ZDHHC21: variants seen among roughly 807,000 people sequenced by gnomAD.
ZDHHC21 encodes palmitoyltransferase ZDHHC21.
Under a neutral mutation model 34.6 loss-of-function variants are expected in ZDHHC21, and 15 were observed. The observed-to-expected ratio is 0.43, with a 90% confidence interval of 0.29 to 0.67. The LOEUF (loss-of-function observed/expected upper bound fraction) is 0.67. ZDHHC21 is among the 30% of genes least tolerant of loss of function. ZDHHC21 has a pLI of 0.14. For missense variants in ZDHHC21, 344 were observed against 327.7 expected, an observed-to-expected ratio of 1.05 and a Z score of -0.38; for synonymous variants, 142 against 101.8, an observed-to-expected ratio of 1.40 and a Z score of -2.38.
intron 9 of ZDHHC21, among the ~76,000 whole-genome samples, chr9:14,619,426 G>C (rs778185335): frequency 3.3e-5 from 5 of 152,014 alleles, no homozygotes; most frequent in Non-Finnish European, 7.4e-5. Flanking sequence ...AGTTAGACAA[G>C]GCACAAGAAT....
At chr9:14,669,492 C>T (rs1008907146) in intron 5 of ZDHHC21, among the ~76,000 whole-genome samples, 1 of 151,188 alleles carries the variant, frequency 6.6e-6, no homozygotes, top group Non-Finnish European at 1.5e-5. Context: ...ACCCAGCCAT[C>T]CCATTACTGG....
At chr9:14,648,597 C>T (rs1260236149) in intron 7 of ZDHHC21, among the ~76,000 whole-genome samples, 1 of 152,082 alleles carries the variant, frequency 6.6e-6, no homozygotes, top group Non-Finnish European at 1.5e-5. Context: ...ACTATATCCA[C>T]CCCTGTACCC....
chr9:14,693,101 G>A (rs562310765), intron 1 of ZDHHC21, 128 bp downstream of exon 1: 1 of 213,072 alleles, frequency 4.7e-6, no homozygotes, highest in Admixed American at 6.5e-5. Context: ...GAACAGGTGA[G>A]GGCGTCCCGG....
At chr9:14,623,034 C>G (rs1022078178) in intron 8 of ZDHHC21, among the ~76,000 whole-genome samples, 8 of 151,280 alleles carry the variant, frequency 5.3e-5, no homozygotes, top group Admixed American at 5.3e-4. Context: ...CAAAATGGAT[C>G]AAAAACTTCA....
At position 14,685,075 on chromosome 9, in the gene ZDHHC21, T is replaced by C. The variant is rs1180117045; in HGVS notation, c.-175-4913A>G. 5.3e-4 allele frequency among the ~76,000 whole-genome samples: 80 copies of C among 152,128 alleles called. 1 individual carries two copies. The highest frequency in any genetic ancestry group is 5.0e-3 in the Admixed American group (76 of 15,264). ...ATTCAAGATGGATTAAAGACTTACATGTTAGACCTAAAACCATAAAAACCC... is the reference window on the plus strand; with the variant it reads ...ATTCAAGATGGATTAAAGACTTACACGTTAGACCTAAAACCATAAAAACCC... On this transcript the variant is annotated intron_variant, in intron 2 of 9. Transcript: ENST00000380916.
At chr9:14,692,177 A>G (rs751320901) in intron 1 of ZDHHC21, among the ~76,000 whole-genome samples, 4 of 152,240 alleles carry the variant, frequency 2.6e-5, no homozygotes, top group Non-Finnish European at 4.4e-5. Context: ...CTTTAAAATA[A>G]GTAAAATCTA....
At chr9:14,635,051 G>C (rs1828022988) in intron 8 of ZDHHC21, among the ~76,000 whole-genome samples, 1 of 152,036 alleles carries the variant, frequency 6.6e-6, no homozygotes. Context: ...ACATTTCAAA[G>C]TTTCGATAAT....
At chr9:14,650,250 T>G (rs544363491) in intron 7 of ZDHHC21, among the ~76,000 whole-genome samples, 1 of 152,086 alleles carries the variant, frequency 6.6e-6, no homozygotes, top group South Asian at 2.1e-4. Context: ...CTGACATTAT[T>G]CTTTTCAAGC....
At chr9:14,594,965 A>AT in the ZDHHC21 span, among the ~76,000 whole-genome samples, 1 of 152,290 alleles carries the variant, frequency 6.6e-6, no homozygotes, top group East Asian at 1.9e-4. Flanking sequence ...TCAAATTAAA[A>AT]CCGCAATGAA....
In ZDHHC21 at chr9:14,651,308, A is replaced by G. The variant is rs187533856; in HGVS notation, c.504+7441T>C. On this transcript the variant is annotated intron_variant, in intron 7 of 9. Transcript: ENST00000380916. Reference sequence around the variant, plus strand: ...TGTTTAGTATTTTTAAATATATTTAATATTATTAATCCTACAATAATATTG... The same window carrying G: ...TGTTTAGTATTTTTAAATATATTTAGTATTATTAATCCTACAATAATATTG... 6.2e-3 allele frequency among the ~76,000 whole-genome samples: 940 copies of G among 152,052 alleles called. 15 individuals carry two copies. The highest frequency in any genetic ancestry group is 0.021 in the African/African-American group (880 of 41,530).
rs1298356547 is a variant in ZDHHC21, at chr9:14,616,862, A to C, written c.*2104T>G. ...GAGTACAGAGGGATCAGGACCAGGA[A>C]AGGTAAAGAGGAAGAGGGAAAAGAA... On this transcript the variant is annotated 3_prime_UTR_variant, in exon 10 of 10. Coordinates refer to ENST00000380916, the MANE Select transcript of ZDHHC21 (RefSeq NM_178566.6). 2.0e-5 allele frequency: 3 copies of C among 151,862 alleles called. No individual in the cohort carries two copies. The highest frequency in any genetic ancestry group is 7.2e-5 in the African/African-American group (3 of 41,430). The allele number at this position is 151,862 out of a possible 1,614,324, so 9.4% of individuals were successfully genotyped here.
rs1206326413 is a variant in ZDHHC21 at position 14,639,925 on chromosome 9, A to G, written c.592T>C (p.Phe198Leu). Residue 198 changes from phenylalanine to leucine, a missense_variant, in exon 8 of 10, where the codon TTT (phenylalanine) becomes CTT (leucine). Transcript: ENST00000380916. Reference protein sequence around the residue: ...ITMLVGITGLFYTQLIGIITD... With the variant: ...ITMLVGITGLLYTQLIGIITD... ...ATGATGCCAATTAGTTGAGTGTAAA[A>G]GAGTCCAGTTATTCCAACTAACATA... 6.2e-7 allele frequency: 1 copy of G among 1,605,478 alleles called. No individual in the cohort carries two copies. Among genetic ancestry groups the G allele is most frequent in the Admixed American group, 1.7e-5 (1 of 59,524 alleles).
chr9:14,669,598 C>A (rs1343999193), intron 5 of ZDHHC21, among the ~76,000 whole-genome samples: 1 of 145,740 alleles, frequency 6.9e-6, no homozygotes, highest in Non-Finnish European at 1.5e-5. Context: ...AGACTTGGAA[C>A]CAACCCAAAT....
At chr9:14,633,794 G>C (rs146968071) in intron 8 of ZDHHC21, among the ~76,000 whole-genome samples, 8 of 152,182 alleles carry the variant, frequency 5.3e-5, no homozygotes, top group Non-Finnish European at 8.8e-5. Context: ...CTGCCAGGCT[G>C]AAGTACAAGC....
At chr9:14,677,552 T>C (rs118162467) in intron 3 of ZDHHC21, 1 of 152,014 alleles carries the variant, frequency 6.6e-6, no homozygotes, top group Non-Finnish European at 1.5e-5. Flanking sequence ...TAAAATACTT[T>C]CATTAGCTGG....
chr9:14,690,296 G>A (rs1032359349), intron 2 of ZDHHC21, 41 bp downstream of exon 2: 4 of 446,284 alleles, frequency 9.0e-6, no homozygotes, highest in Non-Finnish European at 1.8e-5. Flanking sequence ...AAGCAGCCAT[G>A]ATTTAAGAAC....
chr9:14,625,474 C>T (rs527313768), intron 8 of ZDHHC21, among the ~76,000 whole-genome samples: 1 of 152,098 alleles, frequency 6.6e-6, no homozygotes, highest in East Asian at 1.9e-4. Context: ...ATCTTAAATG[C>T]CACTTTCTGA....
chr9:14,632,064 AAC>A (rs760320176), intron 8 of ZDHHC21, among the ~76,000 whole-genome samples: 90 of 135,090 alleles, frequency 6.7e-4, no homozygotes, highest in Admixed American at 1.6e-3. Context: ...AACACACACA[AAC>A]ACACACACAC....
intron 2 of ZDHHC21, among the ~76,000 whole-genome samples, chr9:14,684,719 A>T (rs1250994061): frequency 6.8e-6 from 1 of 146,184 alleles, no homozygotes; most frequent in African/African-American, 2.4e-5. Flanking sequence ...GCTCATATGG[A>T]ACCAAAAAAG....
Sources: allele counts gnomAD v4.1 joint callset (sites outside exome capture counted in the v4.1 genomes callset), GRCh38; gene constraint gnomAD v4.1.1; transcripts MANE v1.5; gene names NCBI Gene and HGNC (gene_info 2026-07-23, HGNC 2026-07-21).